STK3: variants seen among roughly 807,000 people sequenced by gnomAD.
STK3 encodes serine/threonine-protein kinase 3.
In STK3, 41 loss-of-function variants were observed where a neutral mutation model predicts 58.0. That is an observed-to-expected ratio of 0.71 (90% CI 0.55 to 0.92). The LOEUF (loss-of-function observed/expected upper bound fraction) is 0.92. STK3 is among the 40% of genes least tolerant of loss of function. The probability of loss-of-function intolerance (pLI) is 0.00; values close to 1 mark genes in which losing one functional copy is unlikely to be tolerated. For missense variants in STK3, 479 were observed against 602.7 expected, an observed-to-expected ratio of 0.79 and a Z score of 2.15; for synonymous variants, 170 against 191.0, an observed-to-expected ratio of 0.89 and a Z score of 0.91.
chr8:98,765,518 C>T (rs1830888346), intron 3 of STK3, among the ~76,000 whole-genome samples: 1 of 152,120 alleles, frequency 6.6e-6, no homozygotes, highest in Non-Finnish European at 1.5e-5. Context: ...ACAATGTGCC[C>T]AGACTACCCT....
downstream of STK3, chr8:98,878,848 C>A (rs186252154): frequency 1.3e-5 from 2 of 151,720 alleles, no homozygotes; most frequent in African/African-American, 2.4e-5. Context: ...GGTGAGCTAC[C>A]ACTCCTGGCC....
chr8:98,614,607 G>A (rs984157898), intron 6 of STK3, among the ~76,000 whole-genome samples: 13 of 149,784 alleles, frequency 8.7e-5, no homozygotes, highest in African/African-American at 2.3e-4. Flanking sequence ...TGTGCGCACC[G>A]TGCGCGAGCC....
Position 98,583,335 on chromosome 8 carries a change from T to A in STK3, c.823-3546A>T, listed in dbSNP as rs377698390. On this transcript the variant is annotated intron_variant, in intron 7 of 10. Transcript: ENST00000419617. ...CTTCTAAATATTCAAATTCTCGGCC[T>A]CCCCTAGACAAACTGAATCAGAATT... 9.8e-4 allele frequency among the ~76,000 whole-genome samples: 150 copies of A among 152,292 alleles called. 2 individuals are homozygous for A. In the South Asian group the frequency reaches 0.018, roughly 19 times the overall value.
intron 6 of STK3, among the ~76,000 whole-genome samples, chr8:98,659,401 C>T (rs1821798802): frequency 6.6e-6 from 1 of 151,958 alleles, no homozygotes; most frequent in Admixed American, 6.6e-5. Context: ...AGTTTACTAT[C>T]ATGAGACTCA....
intron 8 of STK3, among the ~76,000 whole-genome samples, chr8:98,559,789 A>G (rs1345827050): frequency 6.6e-6 from 1 of 152,184 alleles, no homozygotes; most frequent in Non-Finnish European, 1.5e-5. Flanking sequence ...GTGAAAAAAC[A>G]AAGGCTCTGA....
At chr8:98,639,439 T>C (rs1819852311) in intron 6 of STK3, among the ~76,000 whole-genome samples, 1 of 152,048 alleles carries the variant, frequency 6.6e-6, no homozygotes, top group Non-Finnish European at 1.5e-5. Flanking sequence ...CCTCCTGAAA[T>C]AGATGGGATT....
intron 3 of STK3, chr8:98,413,708 C>T (rs1277090885): frequency 4.3e-6 from 4 of 940,560 alleles, no homozygotes; most frequent in Admixed American, 3.5e-5. Flanking sequence ...GAAAAGCCAC[C>T]GTTCTTTTCT....
At chr8:98,525,261 A>C (rs994606403) in intron 10 of STK3, among the ~76,000 whole-genome samples, 20 of 152,164 alleles carry the variant, frequency 1.3e-4, no homozygotes, top group Admixed American at 6.5e-5. Context: ...TAGACTATGG[A>C]AACTTGGAAG....
At chr8:98,524,589 T>C (rs1202917954) in intron 10 of STK3, among the ~76,000 whole-genome samples, 1 of 152,236 alleles carries the variant, frequency 6.6e-6, no homozygotes, top group Non-Finnish European at 1.5e-5. Flanking sequence ...CCTAAGTATC[T>C]CATTCTTTTT....
chr8:98,692,232 A>G (rs904506329), intron 6 of STK3, among the ~76,000 whole-genome samples: 5 of 152,228 alleles, frequency 3.3e-5, no homozygotes, highest in Admixed American at 6.5e-5. Flanking sequence ...TTCCTCAAAA[A>G]ATAAAACACT....
intron 1 of STK3, among the ~76,000 whole-genome samples, chr8:98,777,145 C>T (rs1442674594): frequency 6.6e-6 from 1 of 152,072 alleles, no homozygotes; most frequent in Admixed American, 6.5e-5. Flanking sequence ...CCTTCAGAGT[C>T]TGTCAGTAAG....
chr8:98,831,074 C>T (rs750624644), intron 3 of STK3, among the ~76,000 whole-genome samples: 9 of 150,630 alleles, frequency 6.0e-5, no homozygotes, highest in Non-Finnish European at 1.2e-4. Flanking sequence ...TACTAGCAAA[C>T]AGCTGATTAC....
intron 3 of STK3, among the ~76,000 whole-genome samples, chr8:98,405,752 T>G (rs141875558): frequency 1.3e-5 from 2 of 152,198 alleles, no homozygotes; most frequent in South Asian, 4.1e-4. Flanking sequence ...CTCACAATCA[T>G]GGCAGAAGGC....
intron 1 of STK3, among the ~76,000 whole-genome samples, chr8:98,902,053 T>C (rs1328457104): frequency 2.0e-5 from 3 of 152,192 alleles, no homozygotes; most frequent in African/African-American, 7.2e-5. Context: ...GGAAACACTC[T>C]ATTCTCTTGG....
At chr8:98,914,751 T>A (rs1839282379) in intron 1 of STK3, among the ~76,000 whole-genome samples, 1 of 152,146 alleles carries the variant, frequency 6.6e-6, no homozygotes, top group South Asian at 2.1e-4. Context: ...AACGTGCTGA[T>A]ATGCTGAATA....
At chr8:98,924,056 CT>C (rs1355725751) in intron 1 of STK3, among the ~76,000 whole-genome samples, 5 of 152,158 alleles carry the variant, frequency 3.3e-5, no homozygotes. Context: ...GTCAGGCCTT[CT>C]TGAGTTCATG....
At chr8:98,635,558 GA>G (rs1819555803) in intron 6 of STK3, among the ~76,000 whole-genome samples, 1 of 152,084 alleles carries the variant, frequency 6.6e-6, no homozygotes, top group African/African-American at 2.4e-5. Flanking sequence ...GGTGGATAAA[GA>G]ATACTTTTGG....
chr8:98,480,941 G>A (rs894372706), intron 10 of STK3, among the ~76,000 whole-genome samples: 3 of 152,088 alleles, frequency 2.0e-5, no homozygotes, highest in Non-Finnish European at 4.4e-5. Context: ...AGTGTTTATT[G>A]TACTATTTTT....
chr8:98,693,532 A>C (rs1215189929), intron 6 of STK3, among the ~76,000 whole-genome samples: 1 of 152,174 alleles, frequency 6.6e-6, no homozygotes, highest in Non-Finnish European at 1.5e-5. Flanking sequence ...GAAAAAGTGA[A>C]AAATAGATTA....
Sources: gnomAD v4.1 joint callset for allele counts (sites outside exome capture counted in the v4.1 genomes callset) on GRCh38, gnomAD v4.1.1 for gene constraint, MANE v1.5 for transcripts, NCBI Gene and HGNC (gene_info 2026-07-23, HGNC 2026-07-21) for gene names.